FAAH2: variants seen among roughly 807,000 people sequenced by gnomAD.
FAAH2 encodes the protein fatty-acid amide hydrolase 2.
A neutral mutation model predicts 36.9 loss-of-function variants in FAAH2; 60 were observed. The ratio of observed to expected loss-of-function variants is 1.63; its 90% confidence interval spans 1.32 to 2.02. The LOEUF is 2.02. FAAH2 is among the 30% of genes most tolerant of loss of function. The pLI, the probability that FAAH2 is intolerant of heterozygous loss-of-function variation, is 0.00. For missense variants in FAAH2, 689 were observed against 397.5 expected (o/e 1.73, Z -6.23); for synonymous variants, 214 against 143.8 (o/e 1.49, Z -3.49).
chrX:57,461,056 G>A (rs761069409), intron 10 of FAAH2, among the ~76,000 whole-genome samples: 48 of 110,529 alleles, frequency 4.3e-4, no homozygotes, highest in East Asian at 4.0e-3. Flanking sequence ...AGACAAGAAG[G>A]GCATTACATA....
chrX:57,150,006 T>C, the FAAH2 span, among the ~76,000 whole-genome samples: 1 of 111,704 alleles, frequency 9.0e-6, no homozygotes, highest in East Asian at 2.8e-4. Context: ...TCTGCCTTCA[T>C]TTTGTTATCT....
At chrX:57,278,186 G>C in the FAAH2 span, among the ~76,000 whole-genome samples, 33 of 111,478 alleles carry the variant, frequency 3.0e-4, no homozygotes, top group Non-Finnish European at 3.8e-5. Context: ...TACAAGGCTA[G>C]AGCATCCAAA....
chrX:57,234,401 G>A, the FAAH2 span, among the ~76,000 whole-genome samples: 1 of 111,506 alleles, frequency 9.0e-6, no homozygotes, highest in Non-Finnish European at 1.9e-5. Context: ...TGTGTGTAAG[G>A]TTAACTTTAA....
chrX:57,430,271 C>T (rs1046753492), intron 7 of FAAH2, among the ~76,000 whole-genome samples: 2 of 111,964 alleles, frequency 1.8e-5, no homozygotes, highest in Non-Finnish European at 3.8e-5. Flanking sequence ...TTTAGGTCTC[C>T]TGGCATTAGT....
intron 9 of FAAH2, 62 bp from the exon 10 acceptor site, chrX:57,448,462 A>G: frequency 2.0e-6 from 2 of 1,006,952 alleles, no homozygotes; most frequent in Middle Eastern, 3.0e-4. Flanking sequence ...GAAAAGATAA[A>G]GAACACTAGG....
chrX:57,286,872 C>G lies in FAAH2; in HGVS notation c.47C>G (p.Ala16Gly), dbSNP rs141576226. Residue 16 changes from alanine (A) to glycine (G), a missense_variant, in exon 1 of 11, where the codon GCG (alanine) becomes GGG (glycine). Physicochemically the swap from Ala to Gly is moderately conservative, Grantham distance 60. Coordinates refer to ENST00000374900, the MANE Select transcript of FAAH2 (RefSeq NM_174912.4). Reference sequence around the variant, plus strand: ...CGCATTCAGTTGTTCCTCTTGCGGGCGCTAGGCTTTCTCATAGGCTTAGTA... The same window carrying G: ...CGCATTCAGTTGTTCCTCTTGCGGGGGCTAGGCTTTCTCATAGGCTTAGTA... ...TARIQLFLLR[A>G]LGFLIGLVGR... The G allele has an allele frequency of 1.7e-6, 2 of 1,195,928 alleles. No individual in the cohort carries two copies. The highest frequency in any genetic ancestry group is 1.1e-6 in the Non-Finnish European group (1 of 888,232).
chrX:57,478,398 C>A (rs2057312467), intron 10 of FAAH2, among the ~76,000 whole-genome samples: 1 of 111,252 alleles, frequency 9.0e-6, no homozygotes, highest in South Asian at 3.8e-4. Flanking sequence ...AGCCCTTTGT[C>A]AGATGAGTAG....
chrX:57,381,647 C>T (rs1009979366), intron 7 of FAAH2: 1 of 256,521 alleles, frequency 3.9e-6, no homozygotes, highest in Admixed American at 9.5e-5. Context: ...TATATATGCA[C>T]CCAATACAGG....
At chrX:57,404,306 C>T (rs2055513412) in intron 7 of FAAH2, among the ~76,000 whole-genome samples, 1 of 112,317 alleles carries the variant, frequency 8.9e-6, no homozygotes, top group Admixed American at 9.4e-5. Context: ...TTCTATCTTT[C>T]TCTTTCTCTC....
intron 8 of FAAH2, among the ~76,000 whole-genome samples, chrX:57,439,599 A>G (rs1287881781): frequency 3.6e-5 from 4 of 111,145 alleles, no homozygotes; most frequent in Non-Finnish European, 3.8e-5. Context: ...GAAGCTCTTT[A>G]GTTTAATTAG....
At chrX:57,372,934 C>A (rs1156782368) in intron 5 of FAAH2, among the ~76,000 whole-genome samples, 2 of 110,428 alleles carry the variant, frequency 1.8e-5, no homozygotes, top group Non-Finnish European at 3.8e-5. Context: ...CCTTTACATC[C>A]TCATAGCTTA....
At chrX:57,211,176 G>T in the FAAH2 span, among the ~76,000 whole-genome samples, 3 of 111,706 alleles carry the variant, frequency 2.7e-5, no homozygotes, top group Non-Finnish European at 3.8e-5. Context: ...TCTCCTAATT[G>T]ATATATAAGT....
At chrX:57,334,043 T>G (rs1382509830) in intron 4 of FAAH2, among the ~76,000 whole-genome samples, 1 of 109,932 alleles carries the variant, frequency 9.1e-6, no homozygotes, top group Non-Finnish European at 1.9e-5. Flanking sequence ...GCCAAGGCAG[T>G]TGGGTCACTT....
intron 8 of FAAH2, among the ~76,000 whole-genome samples, chrX:57,444,731 T>C (rs1430612805): frequency 8.9e-6 from 1 of 111,981 alleles, no homozygotes; most frequent in Non-Finnish European, 1.9e-5. Context: ...ACCTCGAGCC[T>C]ACAACCTGTC....
chrX:57,381,502 T>C, intron 7 of FAAH2: 3 of 657,652 alleles, frequency 4.6e-6, no homozygotes, highest in Non-Finnish European at 5.4e-6. Context: ...ACCTACCAAA[T>C]TTTAAAAGTA....
At chrX:57,317,719 C>G (rs1003602438) in intron 3 of FAAH2, among the ~76,000 whole-genome samples, 2 of 111,940 alleles carry the variant, frequency 1.8e-5, no homozygotes, top group Non-Finnish European at 3.8e-5. Flanking sequence ...ACACATTCTT[C>G]TCAGCATCAC....
At chrX:57,464,339 G>A in intron 10 of FAAH2, among the ~76,000 whole-genome samples, 1 of 110,315 alleles carries the variant, frequency 9.1e-6, no homozygotes, top group Non-Finnish European at 1.9e-5. Flanking sequence ...TGGGTTGATA[G>A]GTGCAGCAAA....
At chrX:57,487,438 C>T (rs1055748768) in intron 10 of FAAH2, among the ~76,000 whole-genome samples, 4 of 111,658 alleles carry the variant, frequency 3.6e-5, no homozygotes, top group Admixed American at 9.5e-5. Context: ...AATAATAAGA[C>T]GATAACCCAA....
the FAAH2 span, among the ~76,000 whole-genome samples, chrX:57,164,864 A>AT: frequency 1.8e-5 from 2 of 112,142 alleles, no homozygotes; most frequent in Non-Finnish European, 3.8e-5. Flanking sequence ...CATTTTAATC[A>AT]TTTTTTTGTT....
Sources: gnomAD v4.1 joint callset for allele counts (sites outside exome capture counted in the v4.1 genomes callset) on GRCh38, gnomAD v4.1.1 for gene constraint, MANE v1.5 for transcripts, NCBI Gene and HGNC (gene_info 2026-07-23, HGNC 2026-07-21) for gene names.